ITGAL: variants seen among roughly 807,000 people sequenced by gnomAD.
ITGAL encodes the protein integrin alpha-L.
Under a neutral mutation model 138.4 loss-of-function variants are expected in ITGAL, and 68 were observed. The observed-to-expected ratio is 0.49, with a 90% CI of 0.40 to 0.60. ITGAL has a LOEUF of 0.60. Ranked by LOEUF, ITGAL falls within the 20% of genes least tolerant of loss-of-function variation. The pLI, the probability that ITGAL is intolerant of heterozygous loss-of-function variation, is 0.00. For missense variants in ITGAL, 1,256 were observed against 1,478.6 expected, an observed-to-expected ratio of 0.85 and a Z score of 2.47; for synonymous variants, 561 against 584.3, an observed-to-expected ratio of 0.96 and a Z score of 0.57.
At chr16:30,486,434 AT>A (rs2050647940) in intron 9 of ITGAL, among the ~76,000 whole-genome samples, 1 of 151,610 alleles carries the variant, frequency 6.6e-6, no homozygotes. Flanking sequence ...ATCAGCAGCA[AT>A]GGTCCAGCCT....
chr16:30,513,604 T>C (rs949092481), intron 24 of ITGAL, among the ~76,000 whole-genome samples, 167 bp from the exon 25 acceptor site: 4 of 152,152 alleles, frequency 2.6e-5, no homozygotes. Flanking sequence ...GACAAGAGGC[T>C]GGCCCTGTCC....
chr16:30,493,882 ACT>A (rs2050761301), intron 11 of ITGAL, among the ~76,000 whole-genome samples: 1 of 151,960 alleles, frequency 6.6e-6, no homozygotes, highest in Non-Finnish European at 1.5e-5. Flanking sequence ...AGAGAGCGAG[ACT>A]CTGTCTCTAA....
In ITGAL at chr16:30,496,300, G is replaced by T; in HGVS notation, c.1701+6G>T. On this transcript the variant is annotated splice_donor_region_variant and intron_variant, in intron 14 of 30. Transcript: ENST00000356798. Reference sequence around the variant, plus strand: ...TTAGTCCCCAGCCAAGTCAGGTGACGTATGCTGCCTGCCAATCACACTCCA... The same window carrying T: ...TTAGTCCCCAGCCAAGTCAGGTGACTTATGCTGCCTGCCAATCACACTCCA... 2 of 1,600,074 alleles carry T rather than the reference G, an allele frequency of 1.2e-6. No homozygotes were observed. The highest frequency in any genetic ancestry group is 1.7e-6 in the Non-Finnish European group (2 of 1,171,688).
In ITGAL at chr16:30,521,418, A is replaced by AT; in HGVS notation, c.3340-74_3340-73insT. On this transcript the variant is annotated intron_variant, in intron 30 of 30. Transcript: ENST00000356798. ...TGAGACTCCATCTCAAAAAAAAAAA[A>AT]AGTGTTCTCACATTTTCTTGGGGCC... 4 of 1,402,958 alleles carry AT rather than the reference A, an allele frequency of 2.9e-6. No homozygotes were observed. The East Asian group carries it at 9.2e-5, about 32-fold the overall frequency. The allele number at this position is 1,402,958 out of a possible 1,614,324, so 86.9% of individuals were successfully genotyped here.
chr16:30,518,597 T>TCA, intron 28 of ITGAL, 27 bp from the exon 29 acceptor site: 1 of 1,534,522 alleles, frequency 6.5e-7, no homozygotes, highest in Non-Finnish European at 9.0e-7. Context: ...TTCTCCCGGG[T>TCA]TCTGACGCCT....
Position 30,494,821 on chromosome 16 carries a change from G to A in ITGAL, c.1474G>A (p.Gly492Ser), listed in dbSNP as rs1486553551. ...APLFYGEQRG[G>S]RVFIYQRRQL... ...ACTGTTCTATGGGGAGCAGAGAGGA[G>A]GCCGGGTGTTTATCTACCAGAGAAG... The change falls in exon 13 of 31, where the codon GGC becomes AGC. Residue 492 changes from glycine (G) to serine (S), a missense_variant. Transcript: ENST00000356798. The surrounding 1 kb of genome is among the most constrained non-coding windows in gnomAD (Gnocchi z 4.2). The A allele has an allele frequency of 6.2e-7, 1 of 1,606,712 alleles. No homozygotes were observed.
chr16:30,517,033 G>T lies in ITGAL; in HGVS notation c.2923G>T (p.Val975Leu). The change falls in exon 26 of 31, where the codon GTG (valine) becomes TTG (leucine). Residue 975 changes from valine (V) to leucine (L), a missense_variant. Physicochemically the swap from Val to Leu is conservative, Grantham distance 32 (BLOSUM62 1). Around this residue, in one of 3 missense-constraint regions of ITGAL, gnomAD observed 867 missense variants for 972.5 expected, o/e 0.89. Coordinates refer to ENST00000356798, the MANE Select transcript of ITGAL (RefSeq NM_002209.3). Reference protein sequence around the residue: ...NIPTLEAVVGVPQPPSEGPIT... With the variant: ...NIPTLEAVVGLPQPPSEGPIT... ...ACCCACCCTGGAGGCTGTGGTTGGG[G>T]TGCCACAGCCTCCCAGCGAGGGGCC... 3 of 1,613,604 alleles carry T rather than the reference G, an allele frequency of 1.9e-6. No homozygotes were observed. Among genetic ancestry groups the T allele is most frequent in the Non-Finnish European group, 2.5e-6 (3 of 1,179,646 alleles).
At chr16:30,497,342 CAA>C (rs201892957) in intron 15 of ITGAL, among the ~76,000 whole-genome samples, 4 of 125,908 alleles carry the variant, frequency 3.2e-5, no homozygotes, top group South Asian at 5.1e-4. Context: ...GACTCCGCCT[CAA>C]AAAAAAAAAA....
chr16:30,476,832 C>A (rs1263688555), intron 4 of ITGAL, among the ~76,000 whole-genome samples: 2 of 152,202 alleles, frequency 1.3e-5, no homozygotes, highest in South Asian at 2.1e-4. Flanking sequence ...TGGGGTTTCG[C>A]CATGTTGGCC....
In ITGAL at chr16:30,496,491, A is replaced by G. The variant is rs778076299; in HGVS notation, c.1757A>G (p.His586Arg). The G allele has an allele frequency of 3.7e-6, 6 of 1,613,032 alleles. No homozygotes were observed. The highest frequency in any genetic ancestry group is 5.1e-6 in the Non-Finnish European group (6 of 1,179,694). Reference sequence around the variant, plus strand: ...ATTCAGTGGTTTGGACGCTCCATCCATGGGGTGAAGGACCTTGAAGGGGAT... The same window carrying G: ...ATTCAGTGGTTTGGACGCTCCATCCGTGGGGTGAAGGACCTTGAAGGGGAT... Reference protein sequence around the residue: ...SGIQWFGRSIHGVKDLEGDGL... With the variant: ...SGIQWFGRSIRGVKDLEGDGL... Residue 586 changes from histidine to arginine, a missense_variant, in exon 15 of 31, where the codon CAT becomes CGT. By Grantham distance (29) the His-to-Arg change is conservative. Transcript: ENST00000356798.
chr16:30,491,089 A>G (rs923887021), intron 11 of ITGAL, among the ~76,000 whole-genome samples: 5 of 151,752 alleles, frequency 3.3e-5, no homozygotes, highest in African/African-American at 1.2e-4. Context: ...GAAAAAAAAA[A>G]AAGAAGAAAT....
intron 6 of ITGAL, chr16:30,481,141 AAAACACAC>A (rs1225836355): frequency 9.9e-5 from 21 of 211,604 alleles, no homozygotes; most frequent in East Asian, 7.7e-4. Context: ...GTCTCTACTA[AAAACACAC>A]ACACACACAC....
chr16:30,487,873 A>G (rs1029846134), intron 9 of ITGAL, among the ~76,000 whole-genome samples: 1 of 151,574 alleles, frequency 6.6e-6, no homozygotes, highest in Non-Finnish European at 1.5e-5. Flanking sequence ...ATGTCCCACC[A>G]TGCCTAGCTA....
At chr16:30,510,771 G>A (rs1252647720) in intron 22 of ITGAL, 110 bp from the exon 23 acceptor site, 11 of 867,352 alleles carry the variant, frequency 1.3e-5, no homozygotes, top group African/African-American at 9.9e-5. Flanking sequence ...TGCTTGGGGT[G>A]CAGTGAGCAC....
At chr16:30,519,713 T>G in intron 29 of ITGAL, 144 bp from the exon 30 acceptor site, 1 of 677,356 alleles carries the variant, frequency 1.5e-6, no homozygotes, top group Admixed American at 2.1e-5. Context: ...ATAGGTGACG[T>G]GTTAAAGGGA....
At chr16:30,476,789 T>C (rs1457344939) in intron 4 of ITGAL, among the ~76,000 whole-genome samples, 1 of 152,048 alleles carries the variant, frequency 6.6e-6, no homozygotes, top group East Asian at 1.9e-4. Flanking sequence ...TGTGCCACCA[T>C]GCCTTGGCTA....
intron 9 of ITGAL, among the ~76,000 whole-genome samples, chr16:30,485,383 C>T (rs1013559308): frequency 4.7e-5 from 7 of 149,568 alleles, no homozygotes; most frequent in Non-Finnish European, 5.9e-5. Context: ...CCAGCCACCA[C>T]GCCTGGCTAA....
chr16:30,504,049 G>A, intron 17 of ITGAL, 126 bp from the exon 18 acceptor site: 1 of 730,108 alleles, frequency 1.4e-6, no homozygotes, highest in Non-Finnish European at 2.4e-6. Flanking sequence ...TTTCAATACT[G>A]GTAGGGTCTT....
intron 2 of ITGAL, 62 bp from the exon 3 acceptor site, chr16:30,475,244 A>G (rs2151140893): frequency 3.5e-6 from 4 of 1,138,720 alleles, no homozygotes; most frequent in African/African-American, 1.5e-5. Flanking sequence ...CCTCCTTAGC[A>G]GGCAGGAGTA....
Sources: gnomAD v4.1 joint callset for allele counts (sites outside exome capture counted in the v4.1 genomes callset) on GRCh38, gnomAD v4.1.1 for gene constraint, gnomAD v4.1.1 regional missense constraint, Gnocchi (gnomAD v3.1) non-coding constraint, MANE v1.5 for transcripts, NCBI Gene and HGNC (gene_info 2026-07-23, HGNC 2026-07-21) for gene names.